The following ARHGAP26 variants were observed in gnomAD, a reference collection of about 807,000 sequenced individuals.
The protein encoded by ARHGAP26 is Rho GTPase activating protein 26.
A neutral mutation model predicts 104.8 loss-of-function variants in ARHGAP26; 38 were observed. The observed-to-expected ratio is 0.36, with a 90% confidence interval of 0.28 to 0.48. The LOEUF is 0.48. Among genes scored for constraint, ARHGAP26 ranks in the 20% least tolerant of loss-of-function variants. The pLI is 0.99. For synonymous variants in ARHGAP26, 341 were observed against 340.0 expected (o/e 1.00, Z -0.03); for missense variants, 704 against 947.9 (o/e 0.74, Z 3.38).
Position 142,885,407 on chromosome 5 carries a change from A to C in ARHGAP26, c.486+8A>C. The C allele has an allele frequency of 6.2e-7, 1 of 1,606,132 alleles. No individual in the cohort carries two copies. The highest frequency in any genetic ancestry group is 8.5e-7 in the Non-Finnish European group (1 of 1,173,904). On this transcript the variant is annotated splice_region_variant and intron_variant, in intron 5 of 22. Transcript: ENST00000645722. ...GAATCTCAGCTTCAGGAGGTAAGAG[A>C]CTTTATTAGTATCCTGAATAAAGTG...
intron 11 of ARHGAP26, among the ~76,000 whole-genome samples, chr5:142,989,430 G>C (rs1442911894): frequency 6.6e-6 from 1 of 152,058 alleles, no homozygotes; most frequent in Admixed American, 6.6e-5. Flanking sequence ...TCTTTATCCA[G>C]TTTGCAAGTC....
chr5:142,992,571 G>T (rs537589057), intron 11 of ARHGAP26, among the ~76,000 whole-genome samples: 2 of 151,910 alleles, frequency 1.3e-5, no homozygotes, highest in East Asian at 3.9e-4. Flanking sequence ...GGGACTACAG[G>T]TACCCGCCAC....
chr5:143,054,452 T>C lies in ARHGAP26; in HGVS notation c.1299T>C (p.Ala433=). The C allele has an allele frequency of 6.2e-7, 1 of 1,612,630 alleles. No homozygotes were observed. Among genetic ancestry groups the C allele is most frequent in the Non-Finnish European group, 8.5e-7 (1 of 1,179,332 alleles). The change falls in exon 15 of 23, where the codon GCT becomes GCC. Residue 433 remains alanine, a synonymous_variant. Coordinates refer to ENST00000645722, the MANE Select transcript of ARHGAP26 (RefSeq NM_001135608.3). Reference sequence around the variant, plus strand: ...TCTTCATTTTAGACCCCAAGACTGCTTCTGAGACAGAAACAGATATCTGTG... The same window carrying C: ...TCTTCATTTTAGACCCCAAGACTGCCTCTGAGACAGAAACAGATATCTGTG... ...LLSVLMDPKT[A]SETETDICAE...
rs1767872626 is a variant in ARHGAP26 at position 142,949,221 on chromosome 5, GGAGAGAGAGAGGA to G, written c.1107+17108_1107+17120del. Among the ~76,000 whole-genome samples the G allele has an allele frequency of 5.1e-4, 5 of 9,766 alleles. 2 individuals carry two copies. The highest frequency in any genetic ancestry group is 3.4e-3 in the African/African-American group (5 of 1,476). 6.4% of individuals were successfully genotyped at this position (9,766 alleles called of 152,430 possible). On this transcript the variant is annotated intron_variant, in intron 11 of 22. Transcript: ENST00000645722. ...AGAGAGAGAGAGAGAGAGAGAGAGA[GGAGAGAGAGAGGA>G]GAGAGAGAGAGAGAGAGAGAGAGTT...
At chr5:143,134,748 A>G (rs148420900) in intron 19 of ARHGAP26, among the ~76,000 whole-genome samples, 203 of 152,358 alleles carry the variant, frequency 1.3e-3, no homozygotes, top group Admixed American at 3.1e-3. Context: ...CCCCTAAAAT[A>G]TACAGTATTG....
At chr5:142,952,044 A>G (rs1489859228) in intron 11 of ARHGAP26, among the ~76,000 whole-genome samples, 3 of 152,132 alleles carry the variant, frequency 2.0e-5, no homozygotes, top group Non-Finnish European at 4.4e-5. Flanking sequence ...TTCTGCCTCT[A>G]TCTTCATGTG....
At chr5:142,986,854 A>C (rs182945289) in intron 11 of ARHGAP26, among the ~76,000 whole-genome samples, 1 of 152,070 alleles carries the variant, frequency 6.6e-6, no homozygotes, top group Non-Finnish European at 1.5e-5. Context: ...GTTCTGTTCA[A>C]TTGGTCTGTA....
Position 142,853,299 on chromosome 5 carries a change from C to T in ARHGAP26, c.155-20101C>T, listed in dbSNP as rs148596465. ...TCCTGGGCTCAAGTGATCCCCCTAC[C>T]CCTACCTCTGCCTCCCAAGTAGCGG... On this transcript the variant is annotated intron_variant, in intron 1 of 22. Coordinates refer to ENST00000645722, the MANE Select transcript of ARHGAP26 (RefSeq NM_001135608.3). Among the ~76,000 whole-genome samples, 1,014 of 152,180 alleles carry T rather than the reference C, an allele frequency of 6.7e-3. 15 individuals are homozygous for T. The highest frequency in any genetic ancestry group is 0.023 in the African/African-American group (942 of 41,502).
chr5:143,194,588 T>A (rs1011230880), intron 20 of ARHGAP26, among the ~76,000 whole-genome samples: 10 of 151,752 alleles, frequency 6.6e-5, no homozygotes, highest in Admixed American at 2.0e-4. Context: ...AAAAAAAAAA[T>A]TTTGTGAGAT....
At chr5:143,217,540 A>C (rs980860224) in intron 22 of ARHGAP26, among the ~76,000 whole-genome samples, 8 of 152,216 alleles carry the variant, frequency 5.3e-5, no homozygotes, top group African/African-American at 1.7e-4. Context: ...TACTTTTAAT[A>C]AGATTTGAGA....
At chr5:143,124,215 C>T (rs165985) in intron 18 of ARHGAP26, among the ~76,000 whole-genome samples, 16,232 of 152,110 alleles carry the variant, frequency 0.11, 2,025 homozygotes, top group African/African-American at 0.3. Flanking sequence ...CTTTGTGCTT[C>T]GGAATAATCA....
intron 17 of ARHGAP26, among the ~76,000 whole-genome samples, chr5:143,111,674 A>G (rs562617145): frequency 2.0e-5 from 3 of 152,360 alleles, no homozygotes; most frequent in Non-Finnish European, 2.9e-5. Flanking sequence ...TTAGAGAGCT[A>G]TTAAATGTAC....
intron 18 of ARHGAP26, among the ~76,000 whole-genome samples, chr5:143,128,135 T>G (rs1367410197): frequency 6.6e-6 from 1 of 152,192 alleles, no homozygotes; most frequent in Non-Finnish European, 1.5e-5. Flanking sequence ...TAGTGACAAG[T>G]GCTGTGTAAG....
At chr5:143,218,315 A>G (rs912690517) in intron 22 of ARHGAP26, among the ~76,000 whole-genome samples, 2 of 152,108 alleles carry the variant, frequency 1.3e-5, no homozygotes, top group Non-Finnish European at 2.9e-5. Flanking sequence ...CTAAAATTAT[A>G]TGCTTGCTTA....
At chr5:142,924,036 G>C (rs1433892500) in intron 10 of ARHGAP26, among the ~76,000 whole-genome samples, 1 of 151,786 alleles carries the variant, frequency 6.6e-6, no homozygotes, top group Non-Finnish European at 1.5e-5. Flanking sequence ...TAATTTTTTT[G>C]TATTTTTAGT....
Position 142,873,464 on chromosome 5 carries a change from A to G in ARHGAP26, c.219A>G (p.Gly73=). 6.3e-7 allele frequency: 1 copy of G among 1,598,346 alleles called. No homozygotes were observed. Among genetic ancestry groups the G allele is most frequent in the Non-Finnish European group, 8.5e-7 (1 of 1,175,536 alleles). ...SLNEFKFQCI[G]DAETDDEMCI... ...ATGAATTTAAATTTCAGTGCATAGG[A>G]GATGCAGAAACAGATGATGAGATGT... Residue 73 remains glycine (G), a synonymous_variant, in exon 2 of 23, where the codon GGA becomes GGG. Transcript: ENST00000645722.
chr5:142,836,335 A>C (rs1769559321), intron 1 of ARHGAP26, among the ~76,000 whole-genome samples: 1 of 152,218 alleles, frequency 6.6e-6, no homozygotes, highest in Non-Finnish European at 1.5e-5. Flanking sequence ...GTGATGAACC[A>C]GTCATATAAA....
At chr5:142,882,650 G>A (rs1374887825) in intron 4 of ARHGAP26, among the ~76,000 whole-genome samples, 4 of 152,242 alleles carry the variant, frequency 2.6e-5, no homozygotes, top group Non-Finnish European at 4.4e-5. Context: ...GCAGGTTTAG[G>A]TGATGAGCTC....
intron 1 of ARHGAP26, among the ~76,000 whole-genome samples, chr5:142,824,814 C>T (rs1766903592): frequency 6.6e-6 from 1 of 152,116 alleles, no homozygotes; most frequent in African/African-American, 2.4e-5. Flanking sequence ...CCAAGAGTGC[C>T]ACGGAAGGGG....
Sources: gnomAD v4.1 joint callset for allele counts (sites outside exome capture counted in the v4.1 genomes callset) on GRCh38, gnomAD v4.1.1 for gene constraint, MANE v1.5 for transcripts, NCBI Gene and HGNC (gene_info 2026-07-23, HGNC 2026-07-21) for gene names.